The following RAB33B variants were observed in gnomAD, a reference collection of about 807,000 sequenced individuals.
RAB33B encodes RAB33B, member RAS oncogene family.
Under a neutral mutation model 15.0 loss-of-function variants are expected in RAB33B, and 6 were observed. The ratio of observed to expected loss-of-function variants is 0.40; its 90% CI spans 0.22 to 0.79. The LOEUF (loss-of-function observed/expected upper bound fraction) is 0.79, where lower values mean the gene tolerates loss of function less well. RAB33B is among the 30% of genes least tolerant of loss of function. The pLI is 0.37. For synonymous variants in RAB33B, 117 were observed against 108.3 expected, an observed-to-expected ratio of 1.08 and a Z score of -0.50; for missense variants, 257 against 296.4, an observed-to-expected ratio of 0.87 and a Z score of 0.98.
At chr4:139,465,868 C>T (rs1467774638) in intron 1 of RAB33B, among the ~76,000 whole-genome samples, 1 of 151,666 alleles carries the variant, frequency 6.6e-6, no homozygotes, top group Non-Finnish European at 1.5e-5. Context: ...TAACTGGAAG[C>T]ACAGGTGCAT....
In RAB33B at chr4:139,473,797, G is replaced by T. The variant is rs1750444961; in HGVS notation, c.*671G>T. On this transcript the variant is annotated 3_prime_UTR_variant, in exon 2 of 2. Transcript: ENST00000305626. ...TGTTTTCTGGTTCCCAGTCCATAAAGAATGACTTTTCCAAGAGTTCTAGAT... is the reference window on the plus strand; with the variant it reads ...TGTTTTCTGGTTCCCAGTCCATAAATAATGACTTTTCCAAGAGTTCTAGAT... 1 of 151,794 alleles carries T rather than the reference G, an allele frequency of 6.6e-6. No homozygotes were observed. Among genetic ancestry groups the T allele is most frequent in the African/African-American group, 2.4e-5 (1 of 41,336 alleles). 9.4% of individuals were successfully genotyped at this position (151,794 alleles called of 1,614,324 possible).
At chr4:139,443,455 T>G in the RAB33B span, among the ~76,000 whole-genome samples, 1 of 152,228 alleles carries the variant, frequency 6.6e-6, no homozygotes, top group Non-Finnish European at 1.5e-5. Context: ...CTAAGTTCAC[T>G]GGACAAAGTG....
chr4:139,454,671 G>A (rs1230837168), intron 1 of RAB33B, among the ~76,000 whole-genome samples: 1 of 152,206 alleles, frequency 6.6e-6, no homozygotes, highest in African/African-American at 2.4e-5. Flanking sequence ...TTTTGAAAAT[G>A]CAGGCTATGA....
At chr4:139,457,750 T>G (rs1333057831) in intron 1 of RAB33B, among the ~76,000 whole-genome samples, 5 of 152,168 alleles carry the variant, frequency 3.3e-5, no homozygotes, top group Admixed American at 6.5e-5. Context: ...AATCTAAGAA[T>G]GATTTTTTAC....
chr4:139,462,732 C>T (rs1750198873), intron 1 of RAB33B, among the ~76,000 whole-genome samples: 1 of 152,208 alleles, frequency 6.6e-6, no homozygotes, highest in African/African-American at 2.4e-5. Flanking sequence ...GAGTCTCTCT[C>T]AACCTCTACT....
At chr4:139,443,708 G>C in the RAB33B span, among the ~76,000 whole-genome samples, 2 of 152,306 alleles carry the variant, frequency 1.3e-5, no homozygotes, top group South Asian at 2.1e-4. Flanking sequence ...AGTTGGAATG[G>C]GGACACTGAG....
At chr4:139,460,934 A>G (rs1750160369) in intron 1 of RAB33B, among the ~76,000 whole-genome samples, 1 of 152,184 alleles carries the variant, frequency 6.6e-6, no homozygotes, top group Admixed American at 6.5e-5. Flanking sequence ...CTCTTCTGTC[A>G]CTTCTTACGA....
intron 1 of RAB33B, among the ~76,000 whole-genome samples, chr4:139,469,519 G>C (rs946222612): frequency 6.6e-6 from 1 of 152,154 alleles, no homozygotes; most frequent in Non-Finnish European, 1.5e-5. Context: ...AGTTCATTTG[G>C]TGAAGTCATG....
chr4:139,470,525 GC>G (rs1359712771), intron 1 of RAB33B, among the ~76,000 whole-genome samples: 3 of 152,060 alleles, frequency 2.0e-5, no homozygotes, highest in Admixed American at 2.0e-4. Context: ...GACCCCAAAG[GC>G]CCCCCTGTGG....
At chr4:139,452,109 G>T (rs1485396047), upstream of RAB33B, 1 of 152,244 alleles carries the variant, frequency 6.6e-6, no homozygotes, top group Non-Finnish European at 1.5e-5. Flanking sequence ...AAGTAGGGCT[G>T]AACTGTGTGT....
intron 1 of RAB33B, among the ~76,000 whole-genome samples, chr4:139,468,377 A>G (rs1362944067): frequency 6.6e-6 from 1 of 152,238 alleles, no homozygotes; most frequent in Non-Finnish European, 1.5e-5. Context: ...CAGCCAAACC[A>G]TATCACCTGA....
intron 1 of RAB33B, among the ~76,000 whole-genome samples, chr4:139,466,870 A>G (rs1029977698): frequency 6.7e-6 from 1 of 150,064 alleles, no homozygotes; most frequent in Non-Finnish European, 1.5e-5. Flanking sequence ...GTGAGCCACC[A>G]TGCCTGGCCT....
rs1750012354 is a variant in RAB33B, at chr4:139,454,138, ATC to A, written c.-53_-52del. ...GGGCGCGCGCTCTTGCGGTGGCGTAATCTCTCAGCCTTTCTGTGTCTCCTTTC... is the reference window on the plus strand; with the variant it reads ...GGGCGCGCGCTCTTGCGGTGGCGTAATCTCAGCCTTTCTGTGTCTCCTTTC... On this transcript the variant is annotated 5_prime_UTR_variant, in exon 1 of 2. Transcript: ENST00000305626. 2 of 1,539,226 alleles carry A rather than the reference ATC, an allele frequency of 1.3e-6. No individual in the cohort carries two copies. Among genetic ancestry groups the A allele is most frequent in the South Asian group, 2.5e-5 (2 of 79,206 alleles).
At chr4:139,471,452 G>A (rs1428452535) in intron 1 of RAB33B, among the ~76,000 whole-genome samples, 1 of 151,608 alleles carries the variant, frequency 6.6e-6, no homozygotes, top group East Asian at 1.9e-4. Context: ...TATCTCTTCA[G>A]TTCCTCTTTC....
At chr4:139,454,103 C>T, upstream of RAB33B, 1 of 1,443,588 alleles carries the variant, frequency 6.9e-7, no homozygotes, top group Non-Finnish European at 9.2e-7. Context: ...CGCAGCCGAA[C>T]TGGCCGGCTG....
At chr4:139,457,842 C>G (rs900458893) in intron 1 of RAB33B, among the ~76,000 whole-genome samples, 11 of 152,236 alleles carry the variant, frequency 7.2e-5, no homozygotes, top group African/African-American at 2.4e-4. Flanking sequence ...GGTTGTACTA[C>G]TTTAATCCTT....
the RAB33B span, among the ~76,000 whole-genome samples, chr4:139,441,031 C>T: frequency 7.2e-5 from 11 of 152,152 alleles, no homozygotes; most frequent in Non-Finnish European, 1.0e-4. Context: ...GACTCATTCC[C>T]GCATATTTTC....
In RAB33B at chr4:139,461,374, T is replaced by A. The variant is rs2111075297; in HGVS notation, c.249+6930T>A. 1.3e-5 allele frequency among the ~76,000 whole-genome samples: 2 copies of A among 152,346 alleles called. 1 individual carries two copies. Among genetic ancestry groups the A allele is most frequent in the South Asian group, 4.1e-4 (2 of 4,832 alleles). ...ATGCATTCTCTACAGAATCAGGTAGTCCACGTTTAAATTCTGGCCTTAAGA... is the reference window on the plus strand; with the variant it reads ...ATGCATTCTCTACAGAATCAGGTAGACCACGTTTAAATTCTGGCCTTAAGA... On this transcript the variant is annotated intron_variant, in intron 1 of 1. Coordinates refer to ENST00000305626, the MANE Select transcript of RAB33B (RefSeq NM_031296.3).
At chr4:139,450,537 G>C (rs1206660210), upstream of RAB33B, 1 of 152,234 alleles carries the variant, frequency 6.6e-6, no homozygotes, top group Admixed American at 6.5e-5. Flanking sequence ...GCAACATTTT[G>C]AGACAGTTTT....
Sources: allele counts gnomAD v4.1 joint callset (sites outside exome capture counted in the v4.1 genomes callset), GRCh38; gene constraint gnomAD v4.1.1; transcripts MANE v1.5; gene names NCBI Gene and HGNC (gene_info 2026-07-23, HGNC 2026-07-21).